XIRP2: variants seen among roughly 807,000 people sequenced by gnomAD.
The protein encoded by XIRP2 is xin actin-binding repeat-containing protein 2.
In XIRP2, 236 loss-of-function variants were observed where a neutral mutation model predicts 277.0. That is an observed-to-expected ratio of 0.85 (90% CI 0.77 to 0.95). XIRP2 has a LOEUF of 0.95. Among genes scored for constraint, XIRP2 ranks in the 40% least tolerant of loss-of-function variants. XIRP2 has a pLI of 0.00. For missense variants in XIRP2, 4,640 were observed against 4,157.5 expected (o/e 1.12, Z -3.19); for synonymous variants, 1,490 against 1,416.5 (o/e 1.05, Z -1.17).
intron 2 of XIRP2, among the ~76,000 whole-genome samples, chr2:167,007,333 A>C (rs1368264696): frequency 6.6e-6 from 1 of 151,648 alleles, no homozygotes; most frequent in East Asian, 1.9e-4. Flanking sequence ...TCCACAATAC[A>C]TTTTTTAAAT....
At chr2:167,001,943 A>G (rs1200094221) in intron 2 of XIRP2, among the ~76,000 whole-genome samples, 1 of 152,120 alleles carries the variant, frequency 6.6e-6, no homozygotes, top group Non-Finnish European at 1.5e-5. Flanking sequence ...AACATAGGAA[A>G]AATTACTCTT....
At chr2:167,055,180 A>G (rs1381962600) in intron 2 of XIRP2, among the ~76,000 whole-genome samples, 1 of 152,148 alleles carries the variant, frequency 6.6e-6, no homozygotes. Context: ...AAACCTTTGA[A>G]AACTCCTTTC....
chr2:167,002,318 G>A (rs756512583), intron 2 of XIRP2, among the ~76,000 whole-genome samples: 1 of 151,928 alleles, frequency 6.6e-6, no homozygotes, highest in Non-Finnish European at 1.5e-5. Flanking sequence ...CATCATGTAG[G>A]CAAATCAATC....
chr2:167,238,151 TTGC>T (rs1251072871), intron 5 of XIRP2, among the ~76,000 whole-genome samples: 1 of 152,240 alleles, frequency 6.6e-6, no homozygotes, highest in Non-Finnish European at 1.5e-5. Flanking sequence ...CAGTGAAAGT[TTGC>T]TATCTTATTC....
chr2:167,223,777 T>C (rs903723467), intron 5 of XIRP2, among the ~76,000 whole-genome samples: 1 of 152,186 alleles, frequency 6.6e-6, no homozygotes, highest in Non-Finnish European at 1.5e-5. Flanking sequence ...GAATGTATCT[T>C]GTATTGTCTT....
intron 2 of XIRP2, among the ~76,000 whole-genome samples, chr2:166,959,216 A>G (rs1032882057): frequency 6.6e-6 from 1 of 151,812 alleles, no homozygotes; most frequent in Non-Finnish European, 1.5e-5. Context: ...AGAAAGTGCA[A>G]ATGTCCCTGT....
intron 2 of XIRP2, among the ~76,000 whole-genome samples, chr2:166,982,443 C>T (rs1440864371): frequency 1.3e-5 from 2 of 151,162 alleles, no homozygotes; most frequent in Non-Finnish European, 3.0e-5. Context: ...TTTTCTGTCC[C>T]TTTTTTTCAA....
chr2:167,070,638 CT>C (rs1397883931), intron 2 of XIRP2, among the ~76,000 whole-genome samples: 1 of 151,982 alleles, frequency 6.6e-6, no homozygotes, highest in African/African-American at 2.4e-5. Flanking sequence ...TAAAAATAGA[CT>C]TTCTTTTCAT....
chr2:167,153,645 G>A (rs1692088991), intron 3 of XIRP2, among the ~76,000 whole-genome samples: 2 of 151,806 alleles, frequency 1.3e-5, no homozygotes, highest in South Asian at 2.1e-4. Context: ...ACCTATGAGT[G>A]AGAATGTACG....
At chr2:167,124,245 G>A (rs748568456) in intron 2 of XIRP2, 3 of 152,074 alleles carry the variant, frequency 2.0e-5, no homozygotes, top group Non-Finnish European at 2.9e-5. Flanking sequence ...TTTCTCTCAC[G>A]TATCATGGGT....
intron 3 of XIRP2, among the ~76,000 whole-genome samples, chr2:167,171,808 A>G (rs1044226145): frequency 1.3e-5 from 2 of 152,192 alleles, no homozygotes; most frequent in African/African-American, 4.8e-5. Flanking sequence ...GGCATGCACC[A>G]TTTTATATCC....
intron 2 of XIRP2, among the ~76,000 whole-genome samples, chr2:166,959,453 C>T (rs568527362): frequency 5.3e-5 from 8 of 151,786 alleles, no homozygotes; most frequent in Admixed American, 3.3e-4. Context: ...TCTCAGAAGC[C>T]GTGTACTTAC....
Position 167,243,801 on chromosome 2 carries a change from T to TG in XIRP2, c.2413dup (p.Val805GlyfsTer3). 6.2e-7 allele frequency: 1 copy of TG among 1,613,852 alleles called. No individual in the cohort carries two copies. The highest frequency in any genetic ancestry group is 8.5e-7 in the Non-Finnish European group (1 of 1,179,930). ...TATCCATGGAAGAAAATGTCAAAGG[T>TG]GGGGTGAGTAAGGCAAAGTGGTTAT... On this transcript the variant is annotated frameshift_variant, in exon 9 of 11. Transcript: ENST00000409195. LOFTEE classifies it high-confidence loss of function.
chr2:167,222,514 A>T (rs540394492), intron 5 of XIRP2, among the ~76,000 whole-genome samples: 91 of 152,090 alleles, frequency 6.0e-4, no homozygotes, highest in African/African-American at 2.1e-3. Flanking sequence ...ATTAAACCCA[A>T]CCCTCTTTAA....
In XIRP2 at chr2:167,245,915, G is replaced by T. The variant is rs1695243290; in HGVS notation, c.4523G>T (p.Gly1508Val). ...GATTCTATTATGGAAGCACATAAAG[G>T]TATCACAAAAATGACCAAGGAAGAA... ...TFDSIMEAHK[G>V]ITKMTKEEIP... Residue 1508 changes from glycine (G) to valine (V), a missense_variant, in exon 9 of 11, where the codon GGT becomes GTT. By Grantham distance (109) the Gly-to-Val change is moderately radical. Coordinates refer to ENST00000409195, the MANE Select transcript of XIRP2 (RefSeq NM_152381.6). 6.2e-7 allele frequency: 1 copy of T among 1,613,640 alleles called. No individual in the cohort carries two copies. Among genetic ancestry groups the T allele is most frequent in the Non-Finnish European group, 8.5e-7 (1 of 1,179,740 alleles).
intron 2 of XIRP2, among the ~76,000 whole-genome samples, chr2:166,950,867 A>G (rs1293224523): frequency 1.3e-5 from 2 of 152,070 alleles, no homozygotes; most frequent in Non-Finnish European, 2.9e-5. Context: ...CTCGTTAAGA[A>G]GTTGTTCAAT....
intron 3 of XIRP2, among the ~76,000 whole-genome samples, chr2:167,146,155 T>C (rs1307848333): frequency 6.6e-6 from 1 of 152,056 alleles, no homozygotes; most frequent in Admixed American, 6.6e-5. Context: ...TACAACTAAT[T>C]GTATATTGCT....
In XIRP2 at chr2:167,243,348, C is replaced by A; in HGVS notation, c.1956C>A (p.Cys652Ter). The A allele has an allele frequency of 6.2e-7, 1 of 1,614,076 alleles. No individual in the cohort carries two copies. The highest frequency in any genetic ancestry group is 8.5e-7 in the Non-Finnish European group (1 of 1,179,986). ...KIPELARGDV[C>*]TARWMFETRP... ...CTGAGCTAGCCAGAGGAGATGTCTG[C>A]ACAGCTCGGTGGATGTTTGAAACAA... Residue 652 changes from cysteine to a stop codon, truncating the protein, a stop_gained, in exon 9 of 11, where the codon TGC becomes TGA. Transcript: ENST00000409195. LOFTEE classifies it high-confidence loss of function.
rs372724579 is a variant in XIRP2 at position 166,980,993 on chromosome 2, T to C, written c.408+77103T>C. On this transcript the variant is annotated intron_variant, in intron 2 of 10. Transcript: ENST00000409195. ...CCCACGTATGGTTAATATTATACAA[T>C]TTCATGTAAAATATATACTCTTAAC... Among the ~76,000 whole-genome samples the C allele has an allele frequency of 3.3e-5, 5 of 152,322 alleles. No homozygotes were observed. In the East Asian group the frequency reaches 9.6e-4, roughly 29 times the overall value.
Sources: allele counts gnomAD v4.1 joint callset (sites outside exome capture counted in the v4.1 genomes callset), GRCh38; gene constraint gnomAD v4.1.1; transcripts MANE v1.5; gene names NCBI Gene and HGNC (gene_info 2026-07-23, HGNC 2026-07-21).